Variants in KNTC1 observed in about 807,000 individuals in gnomAD.
KNTC1 encodes kinetochore-associated protein 1.
A neutral mutation model predicts 314.4 loss-of-function variants in KNTC1; 253 were observed. The ratio of observed to expected loss-of-function variants is 0.80; its 90% CI spans 0.73 to 0.89. The LOEUF is 0.89. Among genes scored for constraint, KNTC1 ranks in the 40% least tolerant of loss-of-function variants. The probability of loss-of-function intolerance (pLI) is 0.00; values close to 1 mark genes in which losing one functional copy is unlikely to be tolerated. For missense variants in KNTC1, 2,475 were observed against 2,572.9 expected (o/e 0.96, Z 0.82); for synonymous variants, 901 against 901.4 (o/e 1.00, Z 0.01).
chr12:122,610,627 C>T (rs565597931), intron 52 of KNTC1, among the ~76,000 whole-genome samples, 195 bp from the exon 53 acceptor site: 71 of 152,290 alleles, frequency 4.7e-4, no homozygotes, highest in Non-Finnish European at 2.9e-5. Context: ...GTATTATCAT[C>T]TTTAGCAATG....
At chr12:122,573,881 C>T (rs1964857746) in intron 26 of KNTC1, among the ~76,000 whole-genome samples, 1 of 152,154 alleles carries the variant, frequency 6.6e-6, no homozygotes. Flanking sequence ...AAGCAATTTC[C>T]AGCCTGAGTT....
intron 16 of KNTC1, among the ~76,000 whole-genome samples, chr12:122,554,076 A>AAAAAATATATATATATATATAT (rs370146333): frequency 6.2e-4 from 68 of 108,996 alleles, no homozygotes; most frequent in African/African-American, 2.1e-3. Context: ...AAAAAAAAAA[A>AAAAAATATATATATATATATAT]ATATATATAT....
chr12:122,529,164 A>G (rs1198808498), intron 1 of KNTC1, among the ~76,000 whole-genome samples: 2 of 152,112 alleles, frequency 1.3e-5, no homozygotes, highest in Non-Finnish European at 2.9e-5. Flanking sequence ...TTCCTATTTT[A>G]TAAATTAGAG....
At chr12:122,572,509 G>A (rs760130464) in intron 24 of KNTC1, among the ~76,000 whole-genome samples, 3 of 152,124 alleles carry the variant, frequency 2.0e-5, no homozygotes, top group Non-Finnish European at 4.4e-5. Flanking sequence ...TCCTCTTGCT[G>A]TAAAACATTA....
chr12:122,567,702 G>A (rs534919608), intron 20 of KNTC1, among the ~76,000 whole-genome samples: 2 of 152,146 alleles, frequency 1.3e-5, no homozygotes, highest in African/African-American at 4.8e-5. Context: ...GCCAGGCATG[G>A]TGGTGCATGC....
At chr12:122,560,288 A>G (rs1008886617) in intron 18 of KNTC1, among the ~76,000 whole-genome samples, 1 of 152,178 alleles carries the variant, frequency 6.6e-6, no homozygotes, top group Non-Finnish European at 1.5e-5. Context: ...TCTGCTATGA[A>G]CATGGGTGTA....
At chr12:122,536,975 C>G (rs1174894499) in intron 3 of KNTC1, among the ~76,000 whole-genome samples, 1 of 152,196 alleles carries the variant, frequency 6.6e-6, no homozygotes, top group Non-Finnish European at 1.5e-5. Flanking sequence ...CGTATTGACC[C>G]TGATTGGTCC....
At chr12:122,563,135 G>C (rs2137856023) in intron 20 of KNTC1, among the ~76,000 whole-genome samples, 1 of 151,972 alleles carries the variant, frequency 6.6e-6, no homozygotes, top group East Asian at 1.9e-4. Flanking sequence ...GAAAATACTA[G>C]TTTTTCAGCA....
rs773933138 is a variant in KNTC1, at chr12:122,621,957, G to T, written c.6356G>T (p.Gly2119Val). ...CATATGAACACGGGCCAGCTAGCAG[G>T]ATTTTCACATCAAGTAAGAGGCGAT... is the stretch of plus-strand genomic sequence containing the variant. Reference protein sequence around the residue: ...EEHMNTGQLAGFSHQIRSLIL... With the variant: ...EEHMNTGQLAVFSHQIRSLIL... The change falls in exon 61 of 64, where the codon GGA becomes GTA. Residue 2119 changes from glycine (G) to valine (V), a missense_variant. Gly to Val is a moderately radical substitution (Grantham distance 109). Transcript: ENST00000333479. The T allele has an allele frequency of 1.7e-5, 28 of 1,605,322 alleles. No individual in the cohort carries two copies. The highest frequency in any genetic ancestry group is 2.3e-5 in the Non-Finnish European group (27 of 1,175,118).
chr12:122,560,723 G>A (rs1161314281), intron 18 of KNTC1, among the ~76,000 whole-genome samples: 1 of 152,178 alleles, frequency 6.6e-6, no homozygotes, highest in African/African-American at 2.4e-5. Context: ...CATGGTGACT[G>A]TGCCATTTCA....
chr12:122,534,574 G>T lies in KNTC1; in HGVS notation c.130-90G>T, dbSNP rs1177397110. 3.3e-5 allele frequency: 41 copies of T among 1,237,826 alleles called. 2 individuals carry two copies. The Admixed American group carries it at 9.2e-4, about 28-fold the overall frequency. 76.7% of individuals were successfully genotyped at this position (1,237,826 alleles called of 1,614,324 possible). Reference sequence around the variant, plus strand: ...AAAAGCCTGTCAAGTTTTAAAGTGGGATATTTGGGAATTTGATGATACTAT... The same window carrying T: ...AAAAGCCTGTCAAGTTTTAAAGTGGTATATTTGGGAATTTGATGATACTAT... On this transcript the variant is annotated intron_variant, in intron 2 of 63. Coordinates refer to ENST00000333479, the MANE Select transcript of KNTC1 (RefSeq NM_014708.6).
At position 122,597,685 on chromosome 12, in the gene KNTC1, A is replaced by C. The variant is rs773343240; in HGVS notation, c.4356-46A>C. ...GTTTTGTCAGATACTTTGCATGGAA[A>C]TGCCTGCAGTTTGGGAGACTGGTGT... is the stretch of plus-strand genomic sequence containing the variant. On this transcript the variant is annotated intron_variant, in intron 43 of 63. Coordinates refer to ENST00000333479, the MANE Select transcript of KNTC1 (RefSeq NM_014708.6). 4 of 1,498,376 alleles carry C rather than the reference A, an allele frequency of 2.7e-6. No homozygotes were observed. The East Asian group carries it at 9.0e-5, about 34-fold the overall frequency. 92.8% of individuals were successfully genotyped at this position (1,498,376 alleles called of 1,614,324 possible).
chr12:122,538,489 A>G (rs1478934512), intron 4 of KNTC1, 35 bp downstream of exon 4: 4 of 1,158,162 alleles, frequency 3.5e-6, no homozygotes, highest in African/African-American at 1.6e-5. Context: ...TTCATTATTT[A>G]AATTCTAAAT....
rs144293708 is a variant in KNTC1, at chr12:122,528,809, G to A, written c.-73-1182G>A. ...ATGCCTGTAGGTGCAATCTAGGGAT[G>A]TGGAACACATGGATATTGACGGCAA... On this transcript the variant is annotated intron_variant, in intron 1 of 63. Coordinates refer to ENST00000333479, the MANE Select transcript of KNTC1 (RefSeq NM_014708.6). Among the ~76,000 whole-genome samples, 662 of 152,266 alleles carry A rather than the reference G, an allele frequency of 4.3e-3. 12 individuals are homozygous for A. Among genetic ancestry groups the A allele is most frequent in the East Asian group, 0.028 (147 of 5,176 alleles).
At chr12:122,619,788 T>C (rs1472211567) in intron 59 of KNTC1, among the ~76,000 whole-genome samples, 1 of 152,246 alleles carries the variant, frequency 6.6e-6, no homozygotes. Flanking sequence ...ACTAGTAAAC[T>C]GAGCATTCTC....
chr12:122,539,769 A>ATT lies in KNTC1; in HGVS notation c.445+23_445+24dup. The ATT allele has an allele frequency of 1.4e-6, 2 of 1,418,884 alleles. No individual in the cohort carries two copies. Among genetic ancestry groups the ATT allele is most frequent in the Non-Finnish European group, 1.9e-6 (2 of 1,061,004 alleles). The allele number at this position is 1,418,884 out of a possible 1,614,324, so 87.9% of individuals were successfully genotyped here. A position where few individuals can be genotyped will look rare whatever the true frequency, so the allele number is the denominator to read the frequency against. ...TTCAAATGAAGGTAAGTTTTCCTGA[A>ATT]TTTTTTTTTGAATGACTTTTTTTTT... On this transcript the variant is annotated intron_variant, in intron 5 of 63. Coordinates refer to ENST00000333479, the MANE Select transcript of KNTC1 (RefSeq NM_014708.6).
intron 33 of KNTC1, among the ~76,000 whole-genome samples, 177 bp from the exon 34 acceptor site, chr12:122,582,528 G>A (rs1007564792): frequency 1.5e-4 from 23 of 151,972 alleles, no homozygotes; most frequent in African/African-American, 5.3e-4. Context: ...TGGGTGATGG[G>A]ATCAGTTGTA....
In KNTC1 at chr12:122,532,206, C is replaced by CT. The variant is rs139344183; in HGVS notation, c.129+2035dup. Among the ~76,000 whole-genome samples, 776 of 99,506 alleles carry CT rather than the reference C, an allele frequency of 7.8e-3. 5 individuals carry two copies. The highest frequency in any genetic ancestry group is 0.017 in the South Asian group (46 of 2,780). The allele number at this position is 99,506 out of a possible 152,430, so 65.3% of individuals were successfully genotyped here. A position where few individuals can be genotyped will look rare whatever the true frequency, so the allele number is the denominator to read the frequency against. ...CTGCCACCACGCCTGGCTAATTTTT[C>CT]TTTTTTTTTTTTTTTTTTTTTGAGA... On this transcript the variant is annotated intron_variant, in intron 2 of 63. Coordinates refer to ENST00000333479, the MANE Select transcript of KNTC1 (RefSeq NM_014708.6).
chr12:122,575,269 CA>C (rs986588450), intron 27 of KNTC1, among the ~76,000 whole-genome samples: 3 of 151,398 alleles, frequency 2.0e-5, no homozygotes, highest in Non-Finnish European at 4.4e-5. Flanking sequence ...CTCAAAAAAA[CA>C]AAAAAAACCC....
Sources: gnomAD v4.1 joint callset for allele counts (sites outside exome capture counted in the v4.1 genomes callset) on GRCh38, gnomAD v4.1.1 for gene constraint, MANE v1.5 for transcripts, NCBI Gene and HGNC (gene_info 2026-07-23, HGNC 2026-07-21) for gene names.